OXR1: variants seen among roughly 807,000 people sequenced by gnomAD.
The protein encoded by OXR1 is oxidation resistance protein 1.
Under a neutral mutation model 104.6 loss-of-function variants are expected in OXR1, and 41 were observed. The ratio of observed to expected loss-of-function variants is 0.39; its 90% CI spans 0.31 to 0.51. The LOEUF (loss-of-function observed/expected upper bound fraction) is 0.51. Among genes scored for constraint, OXR1 ranks in the 20% least tolerant of loss-of-function variants. OXR1 has a pLI of 0.77. For missense variants in OXR1, 955 were observed against 1,031.9 expected (o/e 0.93, Z 1.02); for synonymous variants, 348 against 348.4 (o/e 1.00, Z 0.01).
At chr8:106,434,142 TAA>T (rs11287633) in intron 2 of OXR1, among the ~76,000 whole-genome samples, 2 of 151,744 alleles carry the variant, frequency 1.3e-5, no homozygotes, top group Non-Finnish European at 2.9e-5. Flanking sequence ...TATTTTCTCC[TAA>T]AAAAAACTAG....
At chr8:106,526,672 A>G (rs867549057) in intron 3 of OXR1, among the ~76,000 whole-genome samples, 1 of 152,040 alleles carries the variant, frequency 6.6e-6, no homozygotes, top group African/African-American at 2.4e-5. Context: ...CCTCCCGAGT[A>G]GCTGGGACTA....
At position 106,577,378 on chromosome 8, in the gene OXR1, C is replaced by CTT. The variant is rs5893798; in HGVS notation, c.220+58266_220+58267dup. ...GGCGCCCGCCACTATGCCCAGCTAA[C>CTT]TTTTTTTTTTTTTTTTTTTTTTTTT... On this transcript the variant is annotated intron_variant, in intron 3 of 16. Transcript: ENST00000517566. Among the ~76,000 whole-genome samples, 294 of 43,616 alleles carry CTT rather than the reference C, an allele frequency of 6.7e-3. 40 individuals carry two copies. The highest frequency in any genetic ancestry group is 0.014 in the East Asian group (17 of 1,254). The allele number at this position is 43,616 out of a possible 152,430, so 28.6% of individuals were successfully genotyped here. A position where few individuals can be genotyped will look rare whatever the true frequency, so the allele number is the denominator to read the frequency against.
chr8:106,366,001 T>C lies in OXR1; in HGVS notation c.23+6365T>C, dbSNP rs534736867. The stretch of plus-strand genomic sequence containing the variant: ...CAGGGACTAATAAGTTCTATTCTCT[T>C]TCTTTTCCAAAGCCTACTAGACCTG... On this transcript the variant is annotated intron_variant, in intron 2 of 16. Coordinates refer to ENST00000517566, the MANE Select transcript of OXR1 (RefSeq NM_001198533.2). Among the ~76,000 whole-genome samples the C allele has an allele frequency of 8.5e-4, 129 of 152,294 alleles. 1 individual carries two copies. Among genetic ancestry groups the C allele is most frequent in the Non-Finnish European group, 1.4e-3 (93 of 68,006 alleles).
At chr8:106,541,825 G>T (rs181877065) in intron 3 of OXR1, among the ~76,000 whole-genome samples, 263 of 152,296 alleles carry the variant, frequency 1.7e-3, no homozygotes, top group African/African-American at 5.9e-3. Context: ...CTTCAAAAGT[G>T]CTAGAGAAGA....
rs569140319 is a variant in OXR1 at position 106,335,808 on chromosome 8, T to C, written c.-138-23668T>C. On this transcript the variant is annotated intron_variant, in intron 1 of 16. Coordinates refer to ENST00000517566, the MANE Select transcript of OXR1 (RefSeq NM_001198533.2). ...CATGAGATATAAATTAAAAGGCTGA[T>C]TTTAAGGCCAGGTGCGGTGGCTCAT... is the stretch of plus-strand genomic sequence containing the variant. Among the ~76,000 whole-genome samples, 80 of 152,240 alleles carry C rather than the reference T, an allele frequency of 5.3e-4. 1 individual carries two copies. In the South Asian group the frequency reaches 0.016, roughly 30 times the overall value.
intron 3 of OXR1, among the ~76,000 whole-genome samples, chr8:106,666,408 G>A (rs1157333943): frequency 6.6e-6 from 1 of 152,176 alleles, no homozygotes; most frequent in Non-Finnish European, 1.5e-5. Context: ...TCAGGATTCT[G>A]TATTTGCTCT....
chr8:106,488,940 G>GT (rs1563556222), intron 2 of OXR1, among the ~76,000 whole-genome samples: 1 of 151,294 alleles, frequency 6.6e-6, no homozygotes. Context: ...CTTTAAAGTA[G>GT]TTTTTTCCAA....
At chr8:106,366,704 A>G (rs1212360380) in intron 2 of OXR1, among the ~76,000 whole-genome samples, 1 of 152,180 alleles carries the variant, frequency 6.6e-6, no homozygotes, top group Non-Finnish European at 1.5e-5. Context: ...TGGTAAGTTC[A>G]TGTTGAATGA....
chr8:106,677,758 C>T (rs902442284), intron 3 of OXR1, among the ~76,000 whole-genome samples: 12 of 151,786 alleles, frequency 7.9e-5, no homozygotes, highest in South Asian at 2.1e-4. Flanking sequence ...TGTATGCGCA[C>T]GCGTGTGTGT....
chr8:106,354,119 G>A (rs1455158151), intron 1 of OXR1, among the ~76,000 whole-genome samples: 1 of 149,816 alleles, frequency 6.7e-6, no homozygotes. Flanking sequence ...TTTTTTTAAT[G>A]TATAGTATAT....
Position 106,270,299 on chromosome 8 carries a change from C to A in OXR1, c.-207C>A, listed in dbSNP as rs1268100798. The A allele has an allele frequency of 2.0e-5, 3 of 152,420 alleles. No individual in the cohort carries two copies. The highest frequency in any genetic ancestry group is 2.0e-4 in the South Asian group (1 of 4,890). The allele number at this position is 152,420 out of a possible 1,614,324, so 9.4% of individuals were successfully genotyped here. ...CCGGCGCCGCGCCGCCCAGCCCCGCCGAGAGGGGCGCACTCGCCGCCGCGG... is the reference window on the plus strand; with the variant it reads ...CCGGCGCCGCGCCGCCCAGCCCCGCAGAGAGGGGCGCACTCGCCGCCGCGG... On this transcript the variant is annotated 5_prime_UTR_variant, in exon 1 of 17. Transcript: ENST00000517566.
chr8:106,641,646 T>G (rs747082900), intron 3 of OXR1, among the ~76,000 whole-genome samples: 66 of 152,102 alleles, frequency 4.3e-4, no homozygotes, highest in Non-Finnish European at 7.5e-4. Context: ...AAGTCATGAG[T>G]AATCTTAATA....
At chr8:106,295,047 T>C (rs1274315529) in intron 1 of OXR1, among the ~76,000 whole-genome samples, 2 of 152,196 alleles carry the variant, frequency 1.3e-5, no homozygotes, top group Non-Finnish European at 2.9e-5. Context: ...CAGTACCTAA[T>C]AGGATGTATA....
At chr8:106,404,477 T>G (rs898221715) in intron 2 of OXR1, among the ~76,000 whole-genome samples, 4 of 152,168 alleles carry the variant, frequency 2.6e-5, no homozygotes, top group African/African-American at 7.2e-5. Flanking sequence ...GCATTTGATT[T>G]TTGTCAATCT....
Position 106,320,047 on chromosome 8 carries a change from G to A in OXR1, c.-138-39429G>A, listed in dbSNP as rs16874380. On this transcript the variant is annotated intron_variant, in intron 1 of 16. Coordinates refer to ENST00000517566, the MANE Select transcript of OXR1 (RefSeq NM_001198533.2). ...CCGAGAAATTGTCTCTCAGGCTGCA[G>A]ACCTTAGAGCAGTGGTAACTATGAT... is the stretch of plus-strand genomic sequence containing the variant. Among the ~76,000 whole-genome samples, 523 of 152,316 alleles carry A rather than the reference G, an allele frequency of 3.4e-3. 23 individuals carry two copies. The East Asian group carries it at 0.094, about 27-fold the overall frequency.
chr8:106,460,109 C>T (rs890115636), intron 2 of OXR1, among the ~76,000 whole-genome samples: 4 of 152,258 alleles, frequency 2.6e-5, no homozygotes, highest in Admixed American at 2.0e-4. Context: ...CAGGGATGGT[C>T]CTAGCCTTAG....
chr8:106,305,989 GTTAT>G, intron 1 of OXR1, among the ~76,000 whole-genome samples: 1 of 151,544 alleles, frequency 6.6e-6, no homozygotes. Context: ...ACATGTTTGA[GTTAT>G]TTCTTATTTT....
intron 3 of OXR1, among the ~76,000 whole-genome samples, chr8:106,626,389 A>G (rs75278818): frequency 0.029 from 4,308 of 150,492 alleles, 213 homozygotes; most frequent in African/African-American, 0.1. Context: ...TTTTAGTTGT[A>G]TTTCTACACA....
intron 1 of OXR1, among the ~76,000 whole-genome samples, chr8:106,354,283 A>C (rs989358423): frequency 3.3e-5 from 5 of 152,208 alleles, no homozygotes; most frequent in Non-Finnish European, 7.4e-5. Flanking sequence ...TCCACCTTGT[A>C]AAACTCAAAA....
Sources: gnomAD v4.1 joint callset for allele counts (sites outside exome capture counted in the v4.1 genomes callset) on GRCh38, gnomAD v4.1.1 for gene constraint, MANE v1.5 for transcripts, NCBI Gene and HGNC (gene_info 2026-07-23, HGNC 2026-07-21) for gene names.